Variants in RPAP3 observed in about 807,000 individuals in gnomAD.
RPAP3 encodes RNA polymerase II associated protein 3.
RPAP3 carries 58 observed loss-of-function variants against 88.8 expected under a neutral mutation model. The ratio of observed to expected loss-of-function variants is 0.65; its 90% confidence interval spans 0.53 to 0.81. The LOEUF (loss-of-function observed/expected upper bound fraction) is 0.81, where lower values mean the gene tolerates loss of function less well. RPAP3 is among the 40% of genes least tolerant of loss of function. The pLI is 0.00. For missense variants in RPAP3, 751 were observed against 764.3 expected (o/e 0.98, Z 0.20); for synonymous variants, 255 against 259.9 (o/e 0.98, Z 0.18).
intron 8 of RPAP3, 132 bp downstream of exon 8, chr12:47,687,744 G>C (rs1939352653): frequency 9.9e-7 from 1 of 1,013,032 alleles, no homozygotes; most frequent in Non-Finnish European, 1.4e-6. Context: ...AGAGGCTTTA[G>C]TGCATTTAAT....
chr12:47,663,664 CA>C, intron 16 of RPAP3, 74 bp from the exon 17 acceptor site: 1 of 827,392 alleles, frequency 1.2e-6, no homozygotes, highest in Non-Finnish European at 1.9e-6. Context: ...TTAAAAGGAG[CA>C]ATCTATTTGT....
chr12:47,669,624 C>A (rs1938955585), intron 13 of RPAP3, among the ~76,000 whole-genome samples: 1 of 152,054 alleles, frequency 6.6e-6, no homozygotes, highest in Admixed American at 6.5e-5. Context: ...GGTTTCCATA[C>A]CTCAAAATGA....
chr12:47,703,042 A>G (rs1939687991), intron 1 of RPAP3, among the ~76,000 whole-genome samples, 196 bp from the exon 2 acceptor site: 1 of 152,266 alleles, frequency 6.6e-6, no homozygotes, highest in Non-Finnish European at 1.5e-5. Flanking sequence ...ACAAATGAAA[A>G]ATAGACAAGT....
chr12:47,689,096 T>C, intron 7 of RPAP3, 29 bp downstream of exon 7: 1 of 1,002,474 alleles, frequency 1.0e-6, no homozygotes. Flanking sequence ...AAGGTCATAA[T>C]ACACTTAATT....
chr12:47,684,479 CAT>C (rs1432671403), intron 9 of RPAP3, among the ~76,000 whole-genome samples: 2 of 152,102 alleles, frequency 1.3e-5, no homozygotes, highest in Non-Finnish European at 2.9e-5. Flanking sequence ...ATGTTCCTCA[CAT>C]AGTCCGTAAT....
chr12:47,683,806 G>C (rs1038092200), intron 9 of RPAP3, among the ~76,000 whole-genome samples: 2 of 152,108 alleles, frequency 1.3e-5, no homozygotes, highest in Non-Finnish European at 2.9e-5. Flanking sequence ...TTTTCAGTCA[G>C]GTCCACTTGC....
intron 3 of RPAP3, chr12:47,699,447 A>T (rs1939610140): frequency 6.6e-6 from 1 of 152,222 alleles, no homozygotes; most frequent in Non-Finnish European, 1.5e-5. Context: ...AACAGTGATA[A>T]ATTCAAGACT....
At chr12:47,693,721 G>A (rs1758010396) in intron 5 of RPAP3, among the ~76,000 whole-genome samples, 1 of 151,972 alleles carries the variant, frequency 6.6e-6, no homozygotes, top group African/African-American at 2.4e-5. Flanking sequence ...AGAAACACAA[G>A]GACTAGAAAC....
chr12:47,687,854 C>T (rs7136561), intron 8 of RPAP3, 22 bp downstream of exon 8: 565,818 of 1,605,728 alleles, frequency 0.35, 105,238 homozygotes, highest in Non-Finnish European at 0.38. Flanking sequence ...ATACATTGTA[C>T]GTTGGAATAG....
intron 5 of RPAP3, among the ~76,000 whole-genome samples, chr12:47,691,055 G>A (rs1192092975): frequency 1.3e-5 from 2 of 152,112 alleles, no homozygotes; most frequent in Non-Finnish European, 2.9e-5. Context: ...GCTGTTGGAC[G>A]ATCTTGCCTT....
At chr12:47,668,050 G>A (rs894802958) in intron 14 of RPAP3, among the ~76,000 whole-genome samples, 199 bp from the exon 15 acceptor site, 5 of 152,096 alleles carry the variant, frequency 3.3e-5, no homozygotes, top group Non-Finnish European at 5.9e-5. Flanking sequence ...CAAAAAATTA[G>A]CCGGGCATGG....
Position 47,670,156 on chromosome 12 carries a change from T to C in RPAP3, c.1477A>G (p.Arg493Gly), listed in dbSNP as rs1159239794. 2.5e-6 allele frequency: 4 copies of C among 1,613,630 alleles called. No individual in the cohort carries two copies. Among genetic ancestry groups the C allele is most frequent in the South Asian group, 1.1e-5 (1 of 91,074 alleles). ...DDLFPTSDTPRAKVLKIEEVS... is the reference protein window; with the variant it reads ...DDLFPTSDTPGAKVLKIEEVS... ...TCTTCTATTTTCAATACTTTTGCTC[T>C]TGGAGTATCACTTGTGGGAAAAAGG... Residue 493 changes from arginine to glycine, a missense_variant, in exon 13 of 17, where the codon AGA becomes GGA. Physicochemically the swap from Arg to Gly is moderately radical, Grantham distance 125. Transcript: ENST00000005386.
At chr12:47,698,408 T>C (rs1939581069) in intron 3 of RPAP3, among the ~76,000 whole-genome samples, 2 of 152,190 alleles carry the variant, frequency 1.3e-5, no homozygotes, top group Non-Finnish European at 2.9e-5. Context: ...ATTCTCAATC[T>C]CTTTTGACTC....
chr12:47,685,396 C>G (rs1337177533), intron 9 of RPAP3, among the ~76,000 whole-genome samples: 1 of 144,170 alleles, frequency 6.9e-6, no homozygotes, highest in Admixed American at 6.9e-5. Flanking sequence ...AAAAAAAAAT[C>G]AGATATTTCC....
At chr12:47,667,711 TTAAG>T (rs767000776) in intron 15 of RPAP3, 39 bp downstream of exon 15, 1 of 1,084,378 alleles carries the variant, frequency 9.2e-7, no homozygotes, top group Non-Finnish European at 1.4e-6. Flanking sequence ...ATCAATAACA[TTAAG>T]TGAGGACTTA....
At position 47,679,611 on chromosome 12, in the gene RPAP3, T is replaced by A. The variant is rs772161246; in HGVS notation, c.1186-17A>T. The A allele has an allele frequency of 1.0e-5, 16 of 1,550,422 alleles. No individual in the cohort carries two copies. The highest frequency in any genetic ancestry group is 1.2e-5 in the Non-Finnish European group (14 of 1,131,584). ...AATTAATTCCTTGAAAATAAATTTATAACCCTAACTTTCAAAATATTTATT... is the reference window on the plus strand; with the variant it reads ...AATTAATTCCTTGAAAATAAATTTAAAACCCTAACTTTCAAAATATTTATT... On this transcript the variant is annotated splice_polypyrimidine_tract_variant and intron_variant, in intron 11 of 16. Transcript: ENST00000005386.
chr12:47,682,403 C>A (rs1335988850), intron 9 of RPAP3, among the ~76,000 whole-genome samples: 2 of 151,968 alleles, frequency 1.3e-5, no homozygotes, highest in Non-Finnish European at 2.9e-5. Context: ...CCAAAAAAAC[C>A]CAATAACAAA....
intron 4 of RPAP3, among the ~76,000 whole-genome samples, chr12:47,696,757 CT>C (rs1353659977): frequency 6.6e-6 from 1 of 152,150 alleles, no homozygotes; most frequent in Non-Finnish European, 1.5e-5. Context: ...CTCTAGCTTA[CT>C]TTTTTGTAAG....
rs78707554 is a variant in RPAP3, at chr12:47,686,545, T to C, written c.992+235A>G. Among the ~76,000 whole-genome samples the C allele has an allele frequency of 8.9e-3, 1,297 of 145,448 alleles. 17 individuals carry two copies. Among genetic ancestry groups the C allele is most frequent in the African/African-American group, 0.028 (1,111 of 39,924 alleles). ...AGGTACATAAACACACACATACACA[T>C]ACACACACACACACACACACACACA... On this transcript the variant is annotated intron_variant, in intron 9 of 16. Transcript: ENST00000005386.
Sources: gnomAD v4.1 joint callset for allele counts (sites outside exome capture counted in the v4.1 genomes callset) on GRCh38, gnomAD v4.1.1 for gene constraint, MANE v1.5 for transcripts, NCBI Gene and HGNC (gene_info 2026-07-23, HGNC 2026-07-21) for gene names.